Variants in FAM227B observed in about 807,000 individuals in gnomAD.
The protein encoded by FAM227B is family with sequence similarity 227 member B, also known as protein FAM227B.
FAM227B carries 88 observed loss-of-function variants against 73.8 expected under a neutral mutation model. That is an observed-to-expected ratio of 1.19 (90% CI 1.00 to 1.42). FAM227B has a LOEUF of 1.42. FAM227B is among the 40% of genes most tolerant of loss of function. The pLI, the probability that FAM227B is intolerant of heterozygous loss-of-function variation, is 0.00. For synonymous variants in FAM227B, 210 were observed against 190.5 expected, an observed-to-expected ratio of 1.10 and a Z score of -0.84; for missense variants, 632 against 590.9, an observed-to-expected ratio of 1.07 and a Z score of -0.72.
At chr15:49,455,148 G>GGTGATTTGTA (rs2053164379) in intron 11 of FAM227B, among the ~76,000 whole-genome samples, 1 of 152,002 alleles carries the variant, frequency 6.6e-6, no homozygotes, top group Non-Finnish European at 1.5e-5. Context: ...GTTAATTGGC[G>GGTGATTTGTA]TCTCAGGTGA....
At chr15:49,554,883 G>C (rs940666737) in intron 9 of FAM227B, among the ~76,000 whole-genome samples, 6 of 152,112 alleles carry the variant, frequency 3.9e-5, no homozygotes, top group African/African-American at 1.4e-4. Flanking sequence ...GCCTCTGCCT[G>C]TTTTATCTTA....
intron 11 of FAM227B, among the ~76,000 whole-genome samples, chr15:49,450,340 A>G (rs553094718): frequency 3.9e-4 from 59 of 152,070 alleles, no homozygotes; most frequent in African/African-American, 1.4e-3. Context: ...TGTGTTCCTG[A>G]CTGTCTAGAG....
At chr15:49,514,033 G>A (rs1308262390) in intron 10 of FAM227B, among the ~76,000 whole-genome samples, 1 of 152,112 alleles carries the variant, frequency 6.6e-6, no homozygotes, top group African/African-American at 2.4e-5. Context: ...GTAGTGTGAT[G>A]CCTCCAGCTT....
At position 49,405,986 on chromosome 15, in the gene FAM227B, G is replaced by A. The variant is rs375942753; in HGVS notation, c.1013-34587C>T. Among the ~76,000 whole-genome samples, 39 of 152,262 alleles carry A rather than the reference G, an allele frequency of 2.6e-4. 1 individual carries two copies. In the South Asian group the frequency reaches 4.6e-3, roughly 18 times the overall value. On this transcript the variant is annotated intron_variant, in intron 11 of 15. Transcript: ENST00000299338. ...GGTATAAGGTAGATTTAACCAACTG[G>A]CTTCATTTCTGGAAGATTCCAGGGG...
intron 10 of FAM227B, among the ~76,000 whole-genome samples, chr15:49,528,416 A>G (rs1385852195): frequency 1.3e-5 from 2 of 151,880 alleles, no homozygotes; most frequent in African/African-American, 4.8e-5. Flanking sequence ...AAAACTAGGA[A>G]GAATTCTTCT....
intron 10 of FAM227B, among the ~76,000 whole-genome samples, chr15:49,536,865 T>G (rs1474020874): frequency 6.6e-6 from 1 of 151,946 alleles, no homozygotes; most frequent in Non-Finnish European, 1.5e-5. Context: ...AATTTCTGCA[T>G]GCAAAAGGAT....
At chr15:49,414,858 G>A (rs576185205) in intron 11 of FAM227B, among the ~76,000 whole-genome samples, 22 of 152,224 alleles carry the variant, frequency 1.4e-4, no homozygotes, top group African/African-American at 5.3e-4. Context: ...AATATAAGTT[G>A]TAGCTGAGGA....
chr15:49,471,729 A>C (rs904355614), intron 11 of FAM227B, among the ~76,000 whole-genome samples: 1 of 152,080 alleles, frequency 6.6e-6, no homozygotes, highest in African/African-American at 2.4e-5. Context: ...CATCCAGAAA[A>C]GCTAGCTGAC....
intron 13 of FAM227B, among the ~76,000 whole-genome samples, chr15:49,342,338 G>A (rs570012729): frequency 3.3e-4 from 50 of 152,224 alleles, no homozygotes; most frequent in Non-Finnish European, 6.5e-4. Context: ...TCTGGTATAA[G>A]AATAGTGACT....
At chr15:49,533,909 T>C (rs2060810054) in intron 10 of FAM227B, among the ~76,000 whole-genome samples, 1 of 151,778 alleles carries the variant, frequency 6.6e-6, no homozygotes, top group Admixed American at 6.6e-5. Context: ...CCATTTTGTT[T>C]TTCGTTTTCT....
rs953303515 is a variant in FAM227B at position 49,577,727 on chromosome 15, A to G, written c.406-63T>C. 8 of 1,061,894 alleles carry G rather than the reference A, an allele frequency of 7.5e-6. No individual in the cohort carries two copies. The East Asian group carries it at 2.1e-4, about 27-fold the overall frequency. The allele number at this position is 1,061,894 out of a possible 1,614,324, so 65.8% of individuals were successfully genotyped here. A position where few individuals can be genotyped will look rare whatever the true frequency, so the allele number is the denominator to read the frequency against. ...ATTAAAGAAATTTTACATTTAGTAAATTTGTTCAGTTAACTAGTATGCATA... is the reference window on the plus strand; with the variant it reads ...ATTAAAGAAATTTTACATTTAGTAAGTTTGTTCAGTTAACTAGTATGCATA... On this transcript the variant is annotated intron_variant, in intron 5 of 15. Coordinates refer to ENST00000299338, the MANE Select transcript of FAM227B (RefSeq NM_152647.3).
chr15:49,545,944 A>ATTCTTTT (rs1555532175), intron 9 of FAM227B, among the ~76,000 whole-genome samples: 1 of 125,108 alleles, frequency 8.0e-6, no homozygotes. Flanking sequence ...AGGAGTAGCT[A>ATTCTTTT]TTTTTTTTTT....
chr15:49,440,491 C>A (rs1282115085), intron 11 of FAM227B, among the ~76,000 whole-genome samples: 2 of 151,690 alleles, frequency 1.3e-5, no homozygotes, highest in Non-Finnish European at 3.0e-5. Context: ...GAAATTGAAA[C>A]TACTTAATGT....
chr15:49,600,919 G>A (rs2077159903), intron 3 of FAM227B, among the ~76,000 whole-genome samples: 1 of 150,462 alleles, frequency 6.6e-6, no homozygotes. Context: ...GTGTGCGCCT[G>A]TAATCCCAGC....
At chr15:49,617,943 C>A (rs955743681) in intron 1 of FAM227B, among the ~76,000 whole-genome samples, 1 of 152,140 alleles carries the variant, frequency 6.6e-6, no homozygotes, top group Non-Finnish European at 1.5e-5. Flanking sequence ...CTAGCAGTCA[C>A]CTGCTATCCT....
At chr15:49,507,526 T>A (rs924588047) in intron 11 of FAM227B, among the ~76,000 whole-genome samples, 1 of 152,218 alleles carries the variant, frequency 6.6e-6, no homozygotes, top group South Asian at 2.1e-4. Context: ...ATTAGACTTA[T>A]GTTTGGTATT....
chr15:49,485,400 G>A (rs182077617), intron 11 of FAM227B: 5 of 151,264 alleles, frequency 3.3e-5, no homozygotes, highest in Admixed American at 2.6e-4. Flanking sequence ...TTTTTCCTAT[G>A]GTTACAGCAT....
At chr15:49,579,489 C>A (rs2075675790) in intron 5 of FAM227B, among the ~76,000 whole-genome samples, 1 of 152,120 alleles carries the variant, frequency 6.6e-6, no homozygotes, top group Admixed American at 6.5e-5. Context: ...CTGTCATTTG[C>A]AGCAATATGG....
chr15:49,357,698 A>C (rs1257534887), intron 13 of FAM227B, among the ~76,000 whole-genome samples: 34 of 151,974 alleles, frequency 2.2e-4, no homozygotes. Flanking sequence ...AAACTATTCC[A>C]ATCAATAGAA....
Sources: gnomAD v4.1 joint callset for allele counts (sites outside exome capture counted in the v4.1 genomes callset) on GRCh38, gnomAD v4.1.1 for gene constraint, MANE v1.5 for transcripts, NCBI Gene and HGNC (gene_info 2026-07-23, HGNC 2026-07-21) for gene names.